Variants in ROBO2 observed in about 807,000 individuals in gnomAD.
ROBO2 encodes roundabout homolog 2.
ROBO2 carries 53 observed loss-of-function variants against 160.8 expected under a neutral mutation model. The observed-to-expected ratio is 0.33, with a 90% confidence interval of 0.26 to 0.41. The LOEUF (loss-of-function observed/expected upper bound fraction) is 0.41. ROBO2 is among the 10% of genes least tolerant of loss of function. The pLI is 1.00. For missense variants in ROBO2, 1,577 were observed against 1,722.4 expected, an observed-to-expected ratio of 0.92 and a Z score of 1.49; for synonymous variants, 664 against 611.7, an observed-to-expected ratio of 1.09 and a Z score of -1.26.
At chr3:76,736,059 G>A (rs1337928759) in intron 2 of ROBO2, among the ~76,000 whole-genome samples, 5 of 151,516 alleles carry the variant, frequency 3.3e-5, no homozygotes, top group Non-Finnish European at 7.4e-5. Context: ...CGAGGCGGGC[G>A]GATCACGAGG....
intron 1 of ROBO2, among the ~76,000 whole-genome samples, chr3:77,061,656 G>A (rs2066320656): frequency 6.6e-6 from 1 of 152,020 alleles, no homozygotes; most frequent in Non-Finnish European, 1.5e-5. Context: ...AGCTTTTTCT[G>A]GCACATATGT....
intron 2 of ROBO2, among the ~76,000 whole-genome samples, chr3:76,541,684 G>A (rs2082828413): frequency 1.3e-5 from 2 of 152,194 alleles, no homozygotes; most frequent in South Asian, 4.1e-4. Context: ...CCTGGAGGAG[G>A]TGATTTCAGA....
chr3:76,531,527 C>T (rs1056553848), intron 2 of ROBO2, among the ~76,000 whole-genome samples: 1 of 151,438 alleles, frequency 6.6e-6, no homozygotes, highest in Non-Finnish European at 1.5e-5. Flanking sequence ...TGACATAAAA[C>T]TTACATCATG....
intron 2 of ROBO2, among the ~76,000 whole-genome samples, chr3:76,794,699 T>A (rs1435815180): frequency 6.6e-6 from 1 of 152,024 alleles, no homozygotes; most frequent in Admixed American, 6.6e-5. Flanking sequence ...CCAGACTAAA[T>A]CATTTGTGAC....
At chr3:75,977,682 A>G (rs185188455) in intron 2 of ROBO2, among the ~76,000 whole-genome samples, 10 of 151,648 alleles carry the variant, frequency 6.6e-5, no homozygotes, top group Admixed American at 1.3e-4. Flanking sequence ...AAATTTGAAA[A>G]GAGTGAACTG....
intron 2 of ROBO2, among the ~76,000 whole-genome samples, chr3:77,262,620 C>A (rs547379153): frequency 1.2e-4 from 18 of 151,960 alleles, no homozygotes; most frequent in Non-Finnish European, 2.4e-4. Context: ...ACAACTCTTG[C>A]GCATGAGTGC....
At chr3:76,126,753 A>C (rs1242896933) in intron 2 of ROBO2, among the ~76,000 whole-genome samples, 1 of 152,150 alleles carries the variant, frequency 6.6e-6, no homozygotes, top group African/African-American at 2.4e-5. Context: ...TGATCCCTAC[A>C]TTTAGATCTA....
intron 2 of ROBO2, among the ~76,000 whole-genome samples, chr3:76,075,041 AC>A (rs1428838580): frequency 1.3e-5 from 2 of 152,162 alleles, no homozygotes; most frequent in African/African-American, 4.8e-5. Flanking sequence ...ACATTCAGAC[AC>A]AAGTGATAAT....
At chr3:77,246,327 A>ATGTATG in intron 2 of ROBO2, among the ~76,000 whole-genome samples, 1 of 145,830 alleles carries the variant, frequency 6.9e-6, no homozygotes, top group Admixed American at 6.9e-5. Flanking sequence ...GTGTATGTGT[A>ATGTATG]TGTGTGTGTG....
At chr3:76,076,333 T>C (rs2068645124) in intron 2 of ROBO2, among the ~76,000 whole-genome samples, 1 of 152,182 alleles carries the variant, frequency 6.6e-6, no homozygotes, top group African/African-American at 2.4e-5. Context: ...GCACAACTGT[T>C]TTAGTCTTAA....
intron 2 of ROBO2, among the ~76,000 whole-genome samples, chr3:76,045,210 C>G (rs1472326174): frequency 6.6e-6 from 1 of 152,042 alleles, no homozygotes; most frequent in East Asian, 1.9e-4. Flanking sequence ...ATGATTAATA[C>G]TGTACAATCT....
At chr3:77,028,890 A>G (rs941672500) in intron 2 of ROBO2, among the ~76,000 whole-genome samples, 1 of 152,150 alleles carries the variant, frequency 6.6e-6, no homozygotes, top group Non-Finnish European at 1.5e-5. Flanking sequence ...GAAAACCACT[A>G]TATCCTTCTT....
chr3:77,604,919 A>C (rs2153694278), intron 20 of ROBO2, among the ~76,000 whole-genome samples: 1 of 152,116 alleles, frequency 6.6e-6, no homozygotes, highest in South Asian at 2.1e-4. Flanking sequence ...TCAATATATA[A>C]GTTCTGAGCA....
At chr3:76,397,702 T>C (rs1370126421) in intron 2 of ROBO2, among the ~76,000 whole-genome samples, 8 of 151,644 alleles carry the variant, frequency 5.3e-5, no homozygotes, top group East Asian at 3.9e-4. Context: ...GACATTTATG[T>C]AGCCAAAAAA....
chr3:76,900,727 G>A (rs1420010113), intron 2 of ROBO2, among the ~76,000 whole-genome samples: 2 of 152,118 alleles, frequency 1.3e-5, no homozygotes, highest in Non-Finnish European at 2.9e-5. Context: ...TCATTTGAAG[G>A]CAAATCTGTA....
intron 5 of ROBO2, among the ~76,000 whole-genome samples, chr3:77,520,181 A>AT (rs1230641084): frequency 2.6e-5 from 4 of 151,336 alleles, no homozygotes; most frequent in Non-Finnish European, 5.9e-5. Flanking sequence ...ATATGAAATT[A>AT]TTTTTGTCCA....
chr3:76,379,078 A>G (rs1488963750), intron 2 of ROBO2, among the ~76,000 whole-genome samples: 1 of 152,200 alleles, frequency 6.6e-6, no homozygotes, highest in South Asian at 2.1e-4. Context: ...GGGGACAGAA[A>G]TAGGAAGCAC....
chr3:76,279,570 G>C (rs1051428797), intron 2 of ROBO2, among the ~76,000 whole-genome samples: 1 of 151,868 alleles, frequency 6.6e-6, no homozygotes, highest in African/African-American at 2.4e-5. Context: ...AGATGCCTGA[G>C]AATTACTGTT....
intron 2 of ROBO2, among the ~76,000 whole-genome samples, chr3:76,957,826 G>C (rs1418328305): frequency 7.1e-6 from 1 of 140,794 alleles, no homozygotes. Flanking sequence ...GCAAGACTCT[G>C]TCTCAAAAAA....
Sources: allele counts gnomAD v4.1 joint callset (sites outside exome capture counted in the v4.1 genomes callset), GRCh38; gene constraint gnomAD v4.1.1; transcripts MANE v1.5; gene names NCBI Gene and HGNC (gene_info 2026-07-23, HGNC 2026-07-21).